MFSD11: variants seen among roughly 807,000 people sequenced by gnomAD.
MFSD11 encodes the protein major facilitator superfamily domain containing 11.
MFSD11 carries 36 observed loss-of-function variants against 53.5 expected under a neutral mutation model. That is an observed-to-expected ratio of 0.67 (90% CI 0.52 to 0.89). The LOEUF (loss-of-function observed/expected upper bound fraction) is 0.89, where lower values mean the gene tolerates loss of function less well. Ranked by LOEUF, MFSD11 falls within the 40% of genes least tolerant of loss-of-function variation. The pLI is 0.00. For synonymous variants in MFSD11, 186 were observed against 184.9 expected (o/e 1.01, Z -0.05); for missense variants, 530 against 543.9 (o/e 0.97, Z 0.25).
intron 7 of MFSD11, among the ~76,000 whole-genome samples, chr17:76,752,319 C>G (rs1399916938): frequency 6.6e-6 from 1 of 151,810 alleles, no homozygotes. Flanking sequence ...AAGAAAAATA[C>G]GTTTTAAGCT....
the MFSD11 span, among the ~76,000 whole-genome samples, chr17:76,803,283 T>A: frequency 6.6e-6 from 1 of 152,228 alleles, no homozygotes; most frequent in Non-Finnish European, 1.5e-5. Context: ...TTGCTTTGCA[T>A]CTCCAAGCTG....
At chr17:76,744,174 T>G in intron 6 of MFSD11, 148 bp from the exon 7 acceptor site, 1 of 647,658 alleles carries the variant, frequency 1.5e-6, no homozygotes, top group East Asian at 3.1e-5. Context: ...GTATCCTATT[T>G]GTCTCCTTTT....
At chr17:76,737,446 T>A, upstream of MFSD11, 1 of 392,000 alleles carries the variant, frequency 2.6e-6, no homozygotes, top group South Asian at 5.6e-5. Context: ...GTAACGACCC[T>A]GCCGCGCGCC....
At chr17:76,774,517 C>A (rs1280992608) in intron 10 of MFSD11, among the ~76,000 whole-genome samples, 1 of 152,242 alleles carries the variant, frequency 6.6e-6, no homozygotes, top group East Asian at 1.9e-4. Flanking sequence ...ATTCTCCTCT[C>A]AGCTTTTGAG....
chr17:76,737,342 C>T (rs906726901), upstream of MFSD11: 8 of 757,322 alleles, frequency 1.1e-5, no homozygotes, highest in East Asian at 5.7e-5. Context: ...GGGCGGGCAG[C>T]CGGCCTCTGC....
At chr17:76,788,328 C>T in the MFSD11 span, among the ~76,000 whole-genome samples, 1 of 149,192 alleles carries the variant, frequency 6.7e-6, no homozygotes, top group Admixed American at 6.7e-5. Context: ...AGGTGTGAGA[C>T]ACCATGCCCA....
At position 76,744,372 on chromosome 17, in the gene MFSD11, G is replaced by C; in HGVS notation, c.547G>C (p.Gly183Arg). 1 of 1,614,066 alleles carries C rather than the reference G, an allele frequency of 6.2e-7. No homozygotes were observed. Among genetic ancestry groups the C allele is most frequent in the Non-Finnish European group, 8.5e-7 (1 of 1,179,974 alleles). Residue 183 changes from glycine to arginine, a missense_variant, in exon 7 of 13, where the codon GGG becomes CGG. Gly to Arg is a moderately radical substitution (Grantham distance 125). Coordinates refer to ENST00000685175, the MANE Select transcript of MFSD11 (RefSeq NM_001242532.5). ...FIALTVISLV[G>R]TVLFFLIRKP... ...TGCCCTAACGGTGATTAGCCTTGTG[G>C]GGACAGTTCTATTCTTTCTCATTCG...
At chr17:76,803,364 C>T in the MFSD11 span, among the ~76,000 whole-genome samples, 2 of 152,152 alleles carry the variant, frequency 1.3e-5, no homozygotes, top group Admixed American at 6.5e-5. Flanking sequence ...AAAACAATGA[C>T]GATAACAGCC....
Position 76,775,017 on chromosome 17 carries a change from C to T in MFSD11, c.895C>T (p.Leu299=). The part of the protein sequence containing the change: ...EILGGSLFGL[L]SKNNRFGRNP... ...TATAGGTGGAAGCCTCTTCGGCCTG[C>T]TGAGCAAGAACAATCGTTTTGGTAG... The change falls in exon 11 of 13, where the codon CTG becomes TTG. Residue 299 remains leucine, a synonymous_variant. Coordinates refer to ENST00000685175, the MANE Select transcript of MFSD11 (RefSeq NM_001242532.5). 3 of 1,613,834 alleles carry T rather than the reference C, an allele frequency of 1.9e-6. No individual in the cohort carries two copies. The highest frequency in any genetic ancestry group is 2.5e-6 in the Non-Finnish European group (3 of 1,179,834).
the MFSD11 span, among the ~76,000 whole-genome samples, chr17:76,795,432 T>C: frequency 6.6e-6 from 1 of 151,412 alleles, no homozygotes; most frequent in Non-Finnish European, 1.5e-5. Flanking sequence ...GAGGTTGCAG[T>C]GAGCTGAGAT....
At chr17:76,759,684 C>A (rs567289959) in intron 8 of MFSD11, among the ~76,000 whole-genome samples, 2 of 149,352 alleles carry the variant, frequency 1.3e-5, no homozygotes, top group Non-Finnish European at 3.0e-5. Context: ...GTCTCGATCT[C>A]CTGATCTCGT....
chr17:76,744,478 G>T lies in MFSD11; in HGVS notation c.641+12G>T. Reference sequence around the variant, plus strand: ...ATGGAAGTCAACGAGTAAGATGTTGGAAACATTCTATTTTATTTTAAAATA... The same window carrying T: ...ATGGAAGTCAACGAGTAAGATGTTGTAAACATTCTATTTTATTTTAAAATA... On this transcript the variant is annotated intron_variant, in intron 7 of 12. Transcript: ENST00000685175. The T allele has an allele frequency of 6.2e-7, 1 of 1,603,758 alleles. No individual in the cohort carries two copies.
At position 76,741,037 on chromosome 17, in the gene MFSD11, C is replaced by G. The variant is rs199808723; in HGVS notation, c.233C>G (p.Ser78Cys). 1.2e-6 allele frequency: 2 copies of G among 1,610,312 alleles called. No individual in the cohort carries two copies. The highest frequency in any genetic ancestry group is 2.2e-5 in the South Asian group (2 of 90,990). Residue 78 changes from serine (S) to cysteine (C), a missense_variant, in exon 3 of 13, where the codon TCT (serine) becomes TGT (cysteine). Coordinates refer to ENST00000685175, the MANE Select transcript of MFSD11 (RefSeq NM_001242532.5). ...GTTGCCATTGTAGGACCTCAACTCT[C>G]TATGTTTGCCAGTGGTTTATTTTAC... ...SVVAIVGPQL[S>C]MFASGLFYSM...
chr17:76,777,171 G>A (rs2081918016), intron 12 of MFSD11, among the ~76,000 whole-genome samples: 1 of 151,984 alleles, frequency 6.6e-6, no homozygotes, highest in South Asian at 2.1e-4. Flanking sequence ...GGGTGGCTGA[G>A]GCAGGAGAAT....
At chr17:76,747,344 T>C (rs1229281575) in intron 7 of MFSD11, among the ~76,000 whole-genome samples, 1 of 151,490 alleles carries the variant, frequency 6.6e-6, no homozygotes, top group Admixed American at 6.6e-5. Flanking sequence ...TGAAACTTTT[T>C]TTTTTTTTGA....
the MFSD11 span, among the ~76,000 whole-genome samples, chr17:76,794,662 T>A: frequency 3.6e-4 from 35 of 97,272 alleles, 2 homozygotes; most frequent in African/African-American, 1.0e-3. Context: ...AAAAAAAAAA[T>A]CTGAAGAAGA....
Position 76,738,194 on chromosome 17 carries a change from GT to G in MFSD11, c.-157del. 1.6e-6 allele frequency: 1 copy of G among 616,402 alleles called. No homozygotes were observed. The highest frequency in any genetic ancestry group is 2.9e-6 in the Non-Finnish European group (1 of 347,434). The allele number at this position is 616,402 out of a possible 1,614,324, so 38.2% of individuals were successfully genotyped here. On this transcript the variant is annotated 5_prime_UTR_variant, in exon 1 of 13. Coordinates refer to ENST00000685175, the MANE Select transcript of MFSD11 (RefSeq NM_001242532.5). ...GGGAGAACTTCGCCCTAAACCTGGG[GT>G]TCCGATCCAGGAACTGGAAGTTGAC...
chr17:76,740,903 A>C (rs1217792923), intron 2 of MFSD11, 54 bp from the exon 3 acceptor site: 22 of 1,030,910 alleles, frequency 2.1e-5, no homozygotes, highest in Non-Finnish European at 3.0e-5. Context: ...GACACAGCAT[A>C]TAAGGGCTTT....
rs990679148 is a variant in MFSD11, at chr17:76,753,271, G to A, written c.642-776G>A. Among the ~76,000 whole-genome samples, 4 of 151,468 alleles carry A rather than the reference G, an allele frequency of 2.6e-5. No homozygotes were observed. In the South Asian group the frequency reaches 6.2e-4, roughly 24 times the overall value. The stretch of plus-strand genomic sequence containing the variant: ...ACCACATCCAAAGTAACCACCTCAG[G>A]ATGCAGAAAATAACAAAAGTCTCTG... On this transcript the variant is annotated intron_variant, in intron 7 of 12. Coordinates refer to ENST00000685175, the MANE Select transcript of MFSD11 (RefSeq NM_001242532.5).
Sources: allele counts gnomAD v4.1 joint callset (sites outside exome capture counted in the v4.1 genomes callset), GRCh38; gene constraint gnomAD v4.1.1; transcripts MANE v1.5; gene names NCBI Gene and HGNC (gene_info 2026-07-23, HGNC 2026-07-21).